Variants in HNRNPF observed in about 807,000 individuals in gnomAD.
HNRNPF encodes the protein heterogeneous nuclear ribonucleoprotein F, also known as HnRNP F protein.
HNRNPF carries 2 observed loss-of-function variants against 26.0 expected under a neutral mutation model. The ratio of observed to expected loss-of-function variants is 0.08; its 90% CI spans 0.03 to 0.24. The LOEUF (loss-of-function observed/expected upper bound fraction) is 0.24. Among genes scored for constraint, HNRNPF ranks in the 10% least tolerant of loss-of-function variants. HNRNPF has a pLI of 1.00. For synonymous variants in HNRNPF, 234 were observed against 211.5 expected, an observed-to-expected ratio of 1.11 and a Z score of -0.92; for missense variants, 299 against 539.2, an observed-to-expected ratio of 0.55 and a Z score of 4.41.
At chr10:43,389,361 G>A (rs866763180) in intron 3 of HNRNPF, among the ~76,000 whole-genome samples, 9 of 151,988 alleles carry the variant, frequency 5.9e-5, no homozygotes, top group South Asian at 2.1e-4. Flanking sequence ...CATCATGTGG[G>A]GAAAAAAGCT....
rs1364181674 is a variant in HNRNPF at position 43,386,517 on chromosome 10, G to A, written c.*120C>T. 1.0e-6 allele frequency: 1 copy of A among 1,000,130 alleles called. No individual in the cohort carries two copies. The highest frequency in any genetic ancestry group is 1.4e-6 in the Non-Finnish European group (1 of 711,576). 62.0% of individuals were successfully genotyped at this position (1,000,130 alleles called of 1,614,324 possible). On this transcript the variant is annotated 3_prime_UTR_variant, in exon 4 of 4. Transcript: ENST00000682386. ...ACTGAAGAGGTAATTTTTTAATCCA[G>A]ATTTTTCACAAACTCATGGTGCAAA...
intron 3 of HNRNPF, among the ~76,000 whole-genome samples, chr10:43,390,579 T>G (rs187333471): frequency 9.9e-5 from 15 of 152,274 alleles, no homozygotes; most frequent in African/African-American, 3.1e-4. Flanking sequence ...ACACAGCCTC[T>G]TTCTCTCCTC....
chr10:43,405,835 G>T (rs117643061), intron 1 of HNRNPF, among the ~76,000 whole-genome samples: 2 of 152,154 alleles, frequency 1.3e-5, no homozygotes, highest in East Asian at 3.9e-4. Flanking sequence ...AATAAGCCAG[G>T]GCGGTCTTGG....
intron 2 of HNRNPF, among the ~76,000 whole-genome samples, chr10:43,395,871 C>T (rs1312048357): frequency 2.0e-5 from 3 of 152,178 alleles, no homozygotes; most frequent in African/African-American, 4.8e-5. Flanking sequence ...CCGCTGTAAG[C>T]CTGTAGACCA....
chr10:43,398,152 C>T (rs536086961), intron 1 of HNRNPF, among the ~76,000 whole-genome samples: 74 of 151,484 alleles, frequency 4.9e-4, no homozygotes, highest in Admixed American at 1.6e-3. Context: ...CTCAGCCTCC[C>T]GAGTAGCTGG....
intron 1 of HNRNPF, among the ~76,000 whole-genome samples, chr10:43,400,927 C>T (rs1838734629): frequency 6.6e-6 from 1 of 152,106 alleles, no homozygotes; most frequent in African/African-American, 2.4e-5. Flanking sequence ...ACTAAAAATA[C>T]AAAAATTAGC....
At chr10:43,391,006 T>C (rs2131965826) in intron 3 of HNRNPF, among the ~76,000 whole-genome samples, 2 of 152,224 alleles carry the variant, frequency 1.3e-5, no homozygotes, top group South Asian at 2.1e-4. Context: ...TGTGAAATAC[T>C]GTAGAAATCA....
chr10:43,389,991 G>T (rs893034054), intron 3 of HNRNPF, among the ~76,000 whole-genome samples: 1 of 152,152 alleles, frequency 6.6e-6, no homozygotes, highest in East Asian at 1.9e-4. Context: ...ACTGTGCTTT[G>T]GGTCTGCAAC....
rs1838234243 is a variant in HNRNPF, at chr10:43,391,287, T to C, written c.-53+3343A>G. 2.7e-5 allele frequency among the ~76,000 whole-genome samples: 3 copies of C among 112,948 alleles called. No homozygotes were observed. The East Asian group carries it at 6.3e-4, about 24-fold the overall frequency. 74.1% of individuals were successfully genotyped at this position (112,948 alleles called of 152,430 possible). The stretch of plus-strand genomic sequence containing the variant: ...CAGCCTGGGCGACAGTGCAAGACTC[T>C]GTCTCAAAAAAAAAAAAAAAATTAC... On this transcript the variant is annotated intron_variant, in intron 3 of 3. Transcript: ENST00000682386.
At chr10:43,396,159 G>T (rs557565061) in intron 2 of HNRNPF, among the ~76,000 whole-genome samples, 1 of 152,218 alleles carries the variant, frequency 6.6e-6, no homozygotes, top group South Asian at 2.1e-4. Flanking sequence ...TTGCCTTCAG[G>T]CAGAGCCAAT....
chr10:43,400,829 G>A (rs1419033143), intron 1 of HNRNPF, among the ~76,000 whole-genome samples: 1 of 152,208 alleles, frequency 6.6e-6, no homozygotes, highest in Non-Finnish European at 1.5e-5. Flanking sequence ...CAGGCACAGT[G>A]GCTCATGCCT....
At chr10:43,391,705 G>A (rs1423768414) in intron 3 of HNRNPF, among the ~76,000 whole-genome samples, 4 of 152,112 alleles carry the variant, frequency 2.6e-5, no homozygotes, top group Non-Finnish European at 5.9e-5. Context: ...CCCTTACAGC[G>A]GACATCGTGA....
chr10:43,405,396 C>G (rs1408088549), intron 1 of HNRNPF, among the ~76,000 whole-genome samples: 3 of 152,226 alleles, frequency 2.0e-5, no homozygotes. Context: ...GTGGCTCACG[C>G]CTGTAATCCC....
At chr10:43,397,560 G>T (rs1838595935) in intron 1 of HNRNPF, among the ~76,000 whole-genome samples, 1 of 152,196 alleles carries the variant, frequency 6.6e-6, no homozygotes, top group Non-Finnish European at 1.5e-5. Context: ...GCCCCTCTCT[G>T]GGAGGCCGCC....
intron 3 of HNRNPF, among the ~76,000 whole-genome samples, chr10:43,392,403 G>A (rs563942554): frequency 3.3e-5 from 5 of 152,174 alleles, no homozygotes; most frequent in East Asian, 1.9e-4. Flanking sequence ...GCCAGGCGTC[G>A]TGGCGGGCGC....
rs201947175 is a variant in HNRNPF at position 43,387,072 on chromosome 10, C to A, written c.813G>T (p.Met271Ile). The change falls in exon 4 of 4, where the codon ATG (methionine) becomes ATT (isoleucine). Residue 271 changes from methionine (M) to isoleucine (I), a missense_variant. By Grantham distance (10) the Met-to-Ile change is conservative. This residue lies in a region of HNRNPF where 74 missense variants were observed against 77.7 expected (regional missense o/e 0.95). Transcript: ENST00000682386. This position sits in a 1 kb window ranked among gnomAD's most constrained non-coding sequence, Gnocchi z 6.0. ...GRDLSYCLSG[M>I]YDHRYGDSEF... ...CACTGTCGCCGTATCTGTGGTCATA[C>A]ATTCCGGAGAGACAGTAGCTGAGGT... The A allele has an allele frequency of 8.1e-5, 131 of 1,612,946 alleles. No homozygotes were observed. The highest frequency in any genetic ancestry group is 9.8e-5 in the Non-Finnish European group (116 of 1,180,036).
rs1838049502 is a variant in HNRNPF at position 43,386,960 on chromosome 10, A to G, written c.925T>C (p.Phe309Leu). ...ACTCTCACAGGGTTGAGAGGAGAGAAGAAGTTGTAAATGTCGTTCTCGGTC... is the reference window on the plus strand; with the variant it reads ...ACTCTCACAGGGTTGAGAGGAGAGAGGAAGTTGTAAATGTCGTTCTCGGTC... The part of the protein sequence containing the change: ...KATENDIYNF[F>L]SPLNPVRVHI... Residue 309 changes from phenylalanine (F) to leucine (L), a missense_variant, in exon 4 of 4, where the codon TTC becomes CTC. By Grantham distance (22) the Phe-to-Leu change is conservative. Around this residue, in one of 6 missense-constraint regions of HNRNPF, gnomAD observed 36 missense variants for 93.8 expected, o/e 0.38. Coordinates refer to ENST00000682386, the MANE Select transcript of HNRNPF (RefSeq NM_001098204.2). The G allele has an allele frequency of 6.2e-7, 1 of 1,614,076 alleles. No homozygotes were observed. Among genetic ancestry groups the G allele is most frequent in the East Asian group, 2.2e-5 (1 of 44,896 alleles).
chr10:43,404,074 A>G (rs985214174), intron 1 of HNRNPF, among the ~76,000 whole-genome samples: 1 of 152,026 alleles, frequency 6.6e-6, no homozygotes, highest in African/African-American at 2.4e-5. Context: ...AGGCAGGTGG[A>G]TCACTTGAGG....
At chr10:43,401,401 G>T (rs535366061) in intron 1 of HNRNPF, among the ~76,000 whole-genome samples, 1 of 152,240 alleles carries the variant, frequency 6.6e-6, no homozygotes, top group East Asian at 1.9e-4. Context: ...GACAAATTCT[G>T]ACCGATCATA....
Sources: allele counts gnomAD v4.1 joint callset (sites outside exome capture counted in the v4.1 genomes callset), GRCh38; gene constraint gnomAD v4.1.1; regional missense constraint gnomAD v4.1.1; non-coding constraint Gnocchi (gnomAD v3.1); transcripts MANE v1.5; gene names NCBI Gene and HGNC (gene_info 2026-07-23, HGNC 2026-07-21).